NUAK1: variants seen among roughly 807,000 people sequenced by gnomAD.
NUAK1 encodes NUAK family kinase 1.
In NUAK1, 26 loss-of-function variants were observed where a neutral mutation model predicts 56.9. The ratio of observed to expected loss-of-function variants is 0.46; its 90% CI spans 0.33 to 0.63. The LOEUF is 0.63. NUAK1 is among the 30% of genes least tolerant of loss of function. NUAK1 has a pLI of 0.02. For synonymous variants in NUAK1, 337 were observed against 336.0 expected (o/e 1.00, Z -0.03); for missense variants, 727 against 876.1 (o/e 0.83, Z 2.15).
chr12:106,096,069 C>A (rs1427252893), intron 2 of NUAK1, among the ~76,000 whole-genome samples: 1 of 152,154 alleles, frequency 6.6e-6, no homozygotes, highest in African/African-American at 2.4e-5. Context: ...GTGAGCCTTC[C>A]CAAATGCATG....
At chr12:106,101,758 C>T (rs58652455) in intron 2 of NUAK1, among the ~76,000 whole-genome samples, 8,822 of 152,204 alleles carry the variant, frequency 0.058, 442 homozygotes, top group African/African-American at 0.13. Context: ...AATGGGAATC[C>T]CTGGCCTGCC....
In NUAK1 at chr12:106,138,523, C is replaced by T. The variant is rs1427869585; in HGVS notation, c.131G>A (p.Arg44Gln). The T allele has an allele frequency of 6.2e-7, 1 of 1,612,994 alleles. No homozygotes were observed. The highest frequency in any genetic ancestry group is 8.5e-7 in the Non-Finnish European group (1 of 1,179,830). ...CTTCAAGTTGTGCTTGTGGTGATGCCGCTTCACCCCGTGCGGCTTCCTGGG... is the reference window on the plus strand; with the variant it reads ...CTTCAAGTTGTGCTTGTGGTGATGCTGCTTCACCCCGTGCGGCTTCCTGGG... ...LEPRKPHGVK[R>Q]HHHKHNLKHR... The change falls in exon 1 of 7, where the codon CGG (arginine) becomes CAG (glutamine). Residue 44 changes from arginine (R) to glutamine (Q), a missense_variant. Coordinates refer to ENST00000261402, the MANE Select transcript of NUAK1 (RefSeq NM_014840.3). The surrounding 1 kb of genome is among the most constrained non-coding windows in gnomAD (Gnocchi z 5.0).
intron 4 of NUAK1, among the ~76,000 whole-genome samples, chr12:106,075,371 G>A (rs912824775): frequency 4.6e-5 from 7 of 151,158 alleles, no homozygotes; most frequent in Middle Eastern, 3.4e-3. Flanking sequence ...CTTAGGCTTC[G>A]GCTCTAAGAT....
intron 2 of NUAK1, among the ~76,000 whole-genome samples, chr12:106,098,370 C>T (rs566048092): frequency 1.3e-5 from 2 of 152,194 alleles, no homozygotes; most frequent in East Asian, 1.9e-4. Flanking sequence ...AGGGTGGGGG[C>T]ATCAGATTCA....
Position 106,138,522 on chromosome 12 carries a change from C to T in NUAK1, c.132G>A (p.Arg44=). The change falls in exon 1 of 7, where the codon CGG becomes CGA. Residue 44 remains arginine, a synonymous_variant. Transcript: ENST00000261402. The surrounding 1 kb of genome is among the most constrained non-coding windows in gnomAD (Gnocchi z 5.0). Reference sequence around the variant, plus strand: ...GCTTCAAGTTGTGCTTGTGGTGATGCCGCTTCACCCCGTGCGGCTTCCTGG... The same window carrying T: ...GCTTCAAGTTGTGCTTGTGGTGATGTCGCTTCACCCCGTGCGGCTTCCTGG... ...LEPRKPHGVK[R]HHHKHNLKHR... 6.2e-7 allele frequency: 1 copy of T among 1,613,096 alleles called. No individual in the cohort carries two copies. The highest frequency in any genetic ancestry group is 8.5e-7 in the Non-Finnish European group (1 of 1,179,812).
rs77900992 is a variant in NUAK1, at chr12:106,083,967, G to A, written c.514-38C>T. 8.6e-3 allele frequency: 13,426 copies of A among 1,557,136 alleles called. 617 individuals are homozygous for A. The Admixed American group carries it at 0.13, about 15-fold the overall frequency. ...GACAAAGAGGGAATTGAATGGGAGC[G>A]GCTGGGATGAGAACAAGAGAGAAAG... On this transcript the variant is annotated intron_variant, in intron 3 of 6. Coordinates refer to ENST00000261402, the MANE Select transcript of NUAK1 (RefSeq NM_014840.3).
rs1555222949 is a variant in NUAK1 at position 106,075,318 on chromosome 12, CAG to C, written c.580-2477_580-2476del. Among the ~76,000 whole-genome samples, 426 of 146,800 alleles carry C rather than the reference CAG, an allele frequency of 2.9e-3. 2 individuals carry two copies. The highest frequency in any genetic ancestry group is 8.4e-3 in the African/African-American group (331 of 39,234). On this transcript the variant is annotated intron_variant, in intron 4 of 6. Transcript: ENST00000261402. The stretch of plus-strand genomic sequence containing the variant: ...ACACACACACACACACACACACACA[CAG>C]AGAGAGAGAGAGAGCGTTCTCAGAT...
At position 106,063,622 on chromosome 12, in the gene NUAK1, TA is replaced by T. The variant is rs1235068019; in HGVS notation, c.*3179del. ...AATAAATAAAAAAGACAAATTCAAA[TA>T]AAAAAGTCAACTTTTTATTACCAAA... On this transcript the variant is annotated 3_prime_UTR_variant, in exon 7 of 7. Transcript: ENST00000261402. The T allele has an allele frequency of 6.6e-6, 1 of 151,102 alleles. No individual in the cohort carries two copies. Among genetic ancestry groups the T allele is most frequent in the Non-Finnish European group, 1.5e-5 (1 of 67,770 alleles). 9.4% of individuals were successfully genotyped at this position (151,102 alleles called of 1,614,324 possible).
intron 2 of NUAK1, among the ~76,000 whole-genome samples, chr12:106,090,258 C>A (rs1458984939): frequency 6.6e-6 from 1 of 152,114 alleles, no homozygotes; most frequent in East Asian, 1.9e-4. Context: ...ATCCCCCAGT[C>A]CCCCATAGGA....
intron 1 of NUAK1, among the ~76,000 whole-genome samples, chr12:106,106,833 G>A (rs1179906344): frequency 6.6e-6 from 1 of 152,018 alleles, no homozygotes; most frequent in Non-Finnish European, 1.5e-5. Context: ...TCGTTTACTC[G>A]AAGAACCCTG....
rs1565916956 is a variant in NUAK1, at chr12:106,065,736, A to G, written c.*1066T>C. On this transcript the variant is annotated 3_prime_UTR_variant, in exon 7 of 7. Transcript: ENST00000261402. ...GGAGAATATGGACAGTATCACGTCC[A>G]ACTCAAAGCATCCATGCAGGTGAGA... 6.5e-6 allele frequency: 1 copy of G among 152,692 alleles called. No individual in the cohort carries two copies. The highest frequency in any genetic ancestry group is 1.5e-5 in the Non-Finnish European group (1 of 68,054). The allele number at this position is 152,692 out of a possible 1,614,324, so 9.5% of individuals were successfully genotyped here. A position where few individuals can be genotyped will look rare whatever the true frequency, so the allele number is the denominator to read the frequency against.
chr12:106,094,222 G>T (rs1482376508), intron 2 of NUAK1, among the ~76,000 whole-genome samples: 1 of 152,156 alleles, frequency 6.6e-6, no homozygotes, highest in African/African-American at 2.4e-5. Context: ...CCAGGGTGCT[G>T]CCATTTCTTC....
chr12:106,070,100 C>G (rs1001237717), intron 6 of NUAK1, among the ~76,000 whole-genome samples: 1 of 152,180 alleles, frequency 6.6e-6, no homozygotes, highest in African/African-American at 2.4e-5. Flanking sequence ...ATTCCTCCTT[C>G]TTAGAACCCC....
chr12:106,113,339 A>G (rs2032884103), intron 1 of NUAK1, among the ~76,000 whole-genome samples: 1 of 152,214 alleles, frequency 6.6e-6, no homozygotes, highest in Non-Finnish European at 1.5e-5. Context: ...TGGGCATGCC[A>G]AAAGTGAGCC....
chr12:106,101,315 G>A (rs368996442), intron 2 of NUAK1, among the ~76,000 whole-genome samples: 175 of 152,358 alleles, frequency 1.1e-3, no homozygotes, highest in East Asian at 3.1e-3. Flanking sequence ...GGGTCACCAC[G>A]TAGCCATGAC....
At chr12:106,075,521 G>A (rs1390114690) in intron 4 of NUAK1, among the ~76,000 whole-genome samples, 1 of 152,140 alleles carries the variant, frequency 6.6e-6, no homozygotes, top group Non-Finnish European at 1.5e-5. Flanking sequence ...TCATGGTGGA[G>A]ATTAAATGAC....
intron 2 of NUAK1, among the ~76,000 whole-genome samples, chr12:106,097,999 C>A (rs1439834145): frequency 6.6e-6 from 1 of 152,212 alleles, no homozygotes; most frequent in Non-Finnish European, 1.5e-5. Context: ...ACACAAGCCC[C>A]ACTGCCCCTG....
chr12:106,090,089 T>C lies in NUAK1; in HGVS notation c.362-3204A>G, dbSNP rs115314374. On this transcript the variant is annotated intron_variant, in intron 2 of 6. Transcript: ENST00000261402. ...TGATTGGGCCATTTCAATCCTCCTATTGGCATCCAGAAGAACTCATATGGA... is the reference window on the plus strand; with the variant it reads ...TGATTGGGCCATTTCAATCCTCCTACTGGCATCCAGAAGAACTCATATGGA... Among the ~76,000 whole-genome samples, 1,203 of 152,264 alleles carry C rather than the reference T, an allele frequency of 7.9e-3. 20 individuals carry two copies. The highest frequency in any genetic ancestry group is 0.027 in the African/African-American group (1,142 of 41,566).
intron 2 of NUAK1, among the ~76,000 whole-genome samples, chr12:106,090,649 A>G (rs73397144): frequency 0.029 from 4,444 of 152,192 alleles, 180 homozygotes; most frequent in African/African-American, 0.098. Flanking sequence ...ACTCATATAT[A>G]TCAACCCCTC....
Sources: gnomAD v4.1 joint callset for allele counts (sites outside exome capture counted in the v4.1 genomes callset) on GRCh38, gnomAD v4.1.1 for gene constraint, Gnocchi (gnomAD v3.1) non-coding constraint, MANE v1.5 for transcripts, NCBI Gene and HGNC (gene_info 2026-07-23, HGNC 2026-07-21) for gene names.